The following OPN4 variants were observed in gnomAD, a reference collection of about 807,000 sequenced individuals.
OPN4 encodes opsin 4.
OPN4 carries 43 observed loss-of-function variants against 49.5 expected under a neutral mutation model. The observed-to-expected ratio is 0.87, with a 90% CI of 0.68 to 1.12. The LOEUF is 1.12. Ranked by LOEUF, OPN4 falls within the 50% of genes most tolerant of loss-of-function variation. The pLI is 0.00. For synonymous variants in OPN4, 263 were observed against 258.0 expected, an observed-to-expected ratio of 1.02 and a Z score of -0.19; for missense variants, 657 against 643.9, an observed-to-expected ratio of 1.02 and a Z score of -0.22.
chr10:86,665,052 C>T (rs1844115377), intron 9 of OPN4, among the ~76,000 whole-genome samples: 1 of 152,128 alleles, frequency 6.6e-6, no homozygotes, highest in Admixed American at 6.5e-5. Context: ...GTGGGGGGAG[C>T]ACTGAGCTGT....
At chr10:86,658,294 C>A in intron 3 of OPN4, 129 bp downstream of exon 3, 1 of 1,338,070 alleles carries the variant, frequency 7.5e-7, no homozygotes, top group Non-Finnish European at 1.0e-6. Flanking sequence ...TGCCCTCAGT[C>A]CTGTGAGTAA....
intron 9 of OPN4, among the ~76,000 whole-genome samples, chr10:86,665,253 C>T (rs1844123765): frequency 6.6e-6 from 1 of 152,048 alleles, no homozygotes; most frequent in East Asian, 1.9e-4. Context: ...AAGGCCCCAT[C>T]AGGGACTGGC....
Position 86,656,270 on chromosome 10 carries a change from G to A in OPN4, c.260G>A (p.Gly87Asp). Residue 87 changes from glycine to aspartate, a missense_variant, in exon 2 of 10, where the codon GGC becomes GAC. Physicochemically the swap from Gly to Asp is moderately conservative, Grantham distance 94. Transcript: ENST00000241891. ...CTGGTGGGACTCACGGGGATGCTGG[G>A]CAACCTGACGGTCATCTATACCTTC... is the stretch of plus-strand genomic sequence containing the variant. ...ILLVGLTGML[G>D]NLTVIYTFCR... The A allele has an allele frequency of 6.2e-7, 1 of 1,611,986 alleles. No homozygotes were observed. The highest frequency in any genetic ancestry group is 1.1e-5 in the South Asian group (1 of 90,756).
rs1397961438 is a variant in OPN4 at position 86,659,209 on chromosome 10, G to T, written c.629-88G>T. 10 of 1,044,838 alleles carry T rather than the reference G, an allele frequency of 9.6e-6. No individual in the cohort carries two copies. The East Asian group carries it at 1.9e-4, about 20-fold the overall frequency. The allele number at this position is 1,044,838 out of a possible 1,614,324, so 64.7% of individuals were successfully genotyped here. On this transcript the variant is annotated intron_variant, in intron 4 of 9. Coordinates refer to ENST00000241891, the MANE Select transcript of OPN4 (RefSeq NM_033282.4). Reference sequence around the variant, plus strand: ...GGTCAGGGCCAGGGCTGTGTATGGGGACCCGAATGCCACATACAAAGCTCC... The same window carrying T: ...GGTCAGGGCCAGGGCTGTGTATGGGTACCCGAATGCCACATACAAAGCTCC...
intron 9 of OPN4, among the ~76,000 whole-genome samples, chr10:86,665,491 C>T (rs1478160865): frequency 2.6e-5 from 4 of 151,990 alleles, no homozygotes; most frequent in Admixed American, 1.3e-4. Context: ...GTCAAGAGCC[C>T]GGGGAGCATC....
At chr10:86,658,783 G>T in intron 4 of OPN4, 96 bp downstream of exon 4, 1 of 1,335,530 alleles carries the variant, frequency 7.5e-7, no homozygotes, top group Non-Finnish European at 1.0e-6. Flanking sequence ...GCTGGCGGGA[G>T]CAGGGTGCCC....
At chr10:86,664,266 G>T (rs1354843097) in intron 9 of OPN4, among the ~76,000 whole-genome samples, 1 of 152,196 alleles carries the variant, frequency 6.6e-6, no homozygotes, top group Non-Finnish European at 1.5e-5. Context: ...GCTTTAAGCT[G>T]TGCATGTGAC....
chr10:86,660,345 G>T (rs1003045310), intron 6 of OPN4, among the ~76,000 whole-genome samples: 1 of 152,182 alleles, frequency 6.6e-6, no homozygotes, highest in Non-Finnish European at 1.5e-5. Context: ...TCCTCTTGAG[G>T]TCTCCTCCCT....
chr10:86,661,905 C>T (rs147139156), intron 7 of OPN4, among the ~76,000 whole-genome samples: 3 of 152,128 alleles, frequency 2.0e-5, no homozygotes, highest in South Asian at 2.1e-4. Flanking sequence ...GGCCTGAGCC[C>T]GTCCAGCACA....
At position 86,654,813 on chromosome 10, in the gene OPN4, G is replaced by A. The variant is rs11202106; in HGVS notation, c.30G>A (p.Pro10=). MNPPSGPRV[P]PSPTQEPSCM... ...ACCCTCCTTCGGGGCCAAGAGTCCC[G>A]CCCAGCCCAACCCAAGAGCCCAGCT... The change falls in exon 1 of 10, where the codon CCG becomes CCA. Residue 10 remains proline, a synonymous_variant. Transcript: ENST00000241891. The A allele has an allele frequency of 0.35, 469,520 of 1,352,062 alleles. 62,460 individuals are homozygous for A. The highest frequency in any genetic ancestry group is 0.42 in the South Asian group (36,042 of 86,822). 83.8% of individuals were successfully genotyped at this position (1,352,062 alleles called of 1,614,324 possible).
At chr10:86,665,137 C>T (rs916934093) in intron 9 of OPN4, among the ~76,000 whole-genome samples, 7 of 152,074 alleles carry the variant, frequency 4.6e-5, no homozygotes, top group African/African-American at 1.2e-4. Context: ...TGTCCTGGAA[C>T]AGGATGTCTC....
At position 86,665,783 on chromosome 10, in the gene OPN4, C is replaced by T. The variant is rs931174158; in HGVS notation, c.*32C>T. 1.5e-5 allele frequency: 23 copies of T among 1,579,332 alleles called. No homozygotes were observed. The highest frequency in any genetic ancestry group is 1.7e-5 in the Non-Finnish European group (20 of 1,149,320). On this transcript the variant is annotated 3_prime_UTR_variant, in exon 10 of 10. Transcript: ENST00000241891. ...CACTGGCTCTCCCTTTCTTCTGAGA[C>T]ACATCCAGCCCCCCCACGTCTCCCT...
chr10:86,657,932 G>C (rs1843908592), intron 2 of OPN4, 100 bp from the exon 3 acceptor site: 1 of 1,262,646 alleles, frequency 7.9e-7, no homozygotes, highest in African/African-American at 1.5e-5. Flanking sequence ...GTGTAAGTGT[G>C]TGGCACGTGT....
chr10:86,660,067 G>T lies in OPN4; in HGVS notation c.965+8G>T, dbSNP rs1843968218. Reference sequence around the variant, plus strand: ...CCTGGTGGCCTTTGCTGGGTAAGCAGTGGCTAAAGGGTTGGGGAAGAGGCT... The same window carrying T: ...CCTGGTGGCCTTTGCTGGGTAAGCATTGGCTAAAGGGTTGGGGAAGAGGCT... On this transcript the variant is annotated splice_region_variant and intron_variant, in intron 6 of 9. Coordinates refer to ENST00000241891, the MANE Select transcript of OPN4 (RefSeq NM_033282.4). 6.2e-7 allele frequency: 1 copy of T among 1,613,932 alleles called. No homozygotes were observed. Among genetic ancestry groups the T allele is most frequent in the Admixed American group, 1.7e-5 (1 of 60,008 alleles).
chr10:86,660,993 G>T (rs1054710791), intron 6 of OPN4, among the ~76,000 whole-genome samples: 1 of 152,118 alleles, frequency 6.6e-6, no homozygotes, highest in Non-Finnish European at 1.5e-5. Context: ...CAGGTGTGGT[G>T]ACGGGCACCT....
intron 6 of OPN4, among the ~76,000 whole-genome samples, chr10:86,660,734 A>G (rs1843983019): frequency 6.6e-6 from 1 of 152,156 alleles, no homozygotes; most frequent in Non-Finnish European, 1.5e-5. Context: ...TCCAAGGAAC[A>G]GTGGACCTGG....
chr10:86,656,031 G>C lies in OPN4; in HGVS notation c.145-124G>C. 4.0e-6 allele frequency: 5 copies of C among 1,249,772 alleles called. No individual in the cohort carries two copies. In the South Asian group the frequency reaches 5.4e-5, roughly 14 times the overall value. 77.4% of individuals were successfully genotyped at this position (1,249,772 alleles called of 1,614,324 possible). On this transcript the variant is annotated intron_variant, in intron 1 of 9. Coordinates refer to ENST00000241891, the MANE Select transcript of OPN4 (RefSeq NM_033282.4). ...CACTTGTGAGCTGTGTGTGCAACTGGCTTTGCCACTCTGAGCCTCAGTTTT... is the reference window on the plus strand; with the variant it reads ...CACTTGTGAGCTGTGTGTGCAACTGCCTTTGCCACTCTGAGCCTCAGTTTT...
At chr10:86,656,768 A>G (rs900067809) in intron 2 of OPN4, among the ~76,000 whole-genome samples, 2 of 151,184 alleles carry the variant, frequency 1.3e-5, no homozygotes, top group African/African-American at 4.9e-5. Flanking sequence ...ATGTGGTGAA[A>G]CCCCCGTCTC....
chr10:86,656,413 C>G (rs1172742736), intron 2 of OPN4, 113 bp downstream of exon 2: 7 of 1,346,696 alleles, frequency 5.2e-6, no homozygotes, highest in Non-Finnish European at 7.1e-6. Flanking sequence ...ACTGTTGAGG[C>G]TAGGCAAGGA....
Sources: allele counts gnomAD v4.1 joint callset (sites outside exome capture counted in the v4.1 genomes callset), GRCh38; gene constraint gnomAD v4.1.1; transcripts MANE v1.5; gene names NCBI Gene and HGNC (gene_info 2026-07-23, HGNC 2026-07-21).